Variants in NOMO3 observed in about 807,000 individuals in gnomAD.
The protein encoded by NOMO3 is NODAL modulator 3.
Under a neutral mutation model 69.9 loss-of-function variants are expected in NOMO3, and 15 were observed. The ratio of observed to expected loss-of-function variants is 0.21; its 90% CI spans 0.14 to 0.33. The LOEUF (loss-of-function observed/expected upper bound fraction) is 0.33, where lower values mean the gene tolerates loss of function less well. Ranked by LOEUF, NOMO3 falls within the 10% of genes least tolerant of loss-of-function variation. NOMO3 has a pLI of 1.00. For synonymous variants in NOMO3, 89 were observed against 301.9 expected, an observed-to-expected ratio of 0.29 and a Z score of 7.31; for missense variants, 218 against 761.0, an observed-to-expected ratio of 0.29 and a Z score of 8.39.
At chr16:16,269,357 A>G (rs1490017785) in intron 16 of NOMO3, among the ~76,000 whole-genome samples, 1 of 142,474 alleles carries the variant, frequency 7.0e-6, no homozygotes, top group Admixed American at 6.8e-5. Context: ...CTAGCATAAT[A>G]CCTGGCCAGG....
rs555131555 is a variant in NOMO3 at position 16,236,529 on chromosome 16, T to G, written c.166-372T>G. ...TCCTGAAGTGCTGGGAGTACTGGCATGAGCCACCGTGCCCAGCCAGGAATT... is the reference window on the plus strand; with the variant it reads ...TCCTGAAGTGCTGGGAGTACTGGCAGGAGCCACCGTGCCCAGCCAGGAATT... On this transcript the variant is annotated intron_variant, in intron 1 of 30. Coordinates refer to ENST00000399336, the MANE Select transcript of NOMO3 (RefSeq NM_001004067.4). Among the ~76,000 whole-genome samples, 24 of 144,748 alleles carry G rather than the reference T, an allele frequency of 1.7e-4. 1 individual carries two copies. In the South Asian group the frequency reaches 5.3e-3, roughly 32 times the overall value. 95.0% of individuals were successfully genotyped at this position (144,748 alleles called of 152,430 possible). A position where few individuals can be genotyped will look rare whatever the true frequency, so the allele number is the denominator to read the frequency against.
chr16:16,257,649 A>G (rs1468982496), intron 11 of NOMO3, among the ~76,000 whole-genome samples: 1 of 141,938 alleles, frequency 7.0e-6, no homozygotes, highest in African/African-American at 3.0e-5. Context: ...CCAGGGGGGG[A>G]CCTAGGGAGC....
Position 16,255,751 on chromosome 16 carries a change from C to A in NOMO3, c.995C>A (p.Thr332Asn). Residue 332 changes from threonine (T) to asparagine (N), a missense_variant, in exon 10 of 31, where the codon ACC becomes AAC. Coordinates refer to ENST00000399336, the MANE Select transcript of NOMO3 (RefSeq NM_001004067.4). ...PVFHVMGFSV[T>N]GRVLNGPEGD... ...TTCCACGTCATGGGATTCTCCGTCA[C>A]CGGGAGGGTCTTGAACGGACCCGAA... The A allele has an allele frequency of 1.3e-6, 2 of 1,587,524 alleles. No individual in the cohort carries two copies. The highest frequency in any genetic ancestry group is 2.2e-5 in the South Asian group (2 of 89,164).
rs140861323 is a variant in NOMO3 at position 16,273,963 on chromosome 16, C to T, written c.2274-30C>T. 562 of 1,462,028 alleles carry T rather than the reference C, an allele frequency of 3.8e-4. 115 individuals are homozygous for T. The highest frequency in any genetic ancestry group is 5.0e-4 in the Middle Eastern group (2 of 4,036). The allele number at this position is 1,462,028 out of a possible 1,614,324, so 90.6% of individuals were successfully genotyped here. A position where few individuals can be genotyped will look rare whatever the true frequency, so the allele number is the denominator to read the frequency against. ...TCCTCTGTTTTGTGGGGATAGGACC[C>T]GCCAAACTGAAGTATATTAATTATT... is the stretch of plus-strand genomic sequence containing the variant. On this transcript the variant is annotated intron_variant, in intron 19 of 30. Transcript: ENST00000399336.
intron 3 of NOMO3, 111 bp from the exon 4 acceptor site, chr16:16,243,050 A>G (rs1189467202): frequency 8.2e-7 from 1 of 1,213,144 alleles, no homozygotes; most frequent in Non-Finnish European, 1.1e-6. Context: ...GTTCAAAAGT[A>G]AAATGAAACC....
At chr16:16,241,176 C>A (rs1283237595) in intron 3 of NOMO3, among the ~76,000 whole-genome samples, 5 of 144,786 alleles carry the variant, frequency 3.5e-5, no homozygotes, top group Non-Finnish European at 1.5e-5. Context: ...ATTAGCCATC[C>A]CGCCCCACCC....
chr16:16,241,673 G>A (rs1183747397), intron 3 of NOMO3, among the ~76,000 whole-genome samples: 1 of 118,426 alleles, frequency 8.4e-6, no homozygotes, highest in Non-Finnish European at 1.6e-5. Context: ...CTCCCAAAGT[G>A]TTGGGATTAT....
intron 11 of NOMO3, 152 bp from the exon 12 acceptor site, chr16:16,261,350 A>G: frequency 7.5e-7 from 1 of 1,340,470 alleles, no homozygotes; most frequent in South Asian, 1.5e-5. Flanking sequence ...TTTTAAAACC[A>G]GAATCATCTG....
chr16:16,254,703 C>T (rs1323417880), intron 9 of NOMO3, among the ~76,000 whole-genome samples: 1 of 143,266 alleles, frequency 7.0e-6, no homozygotes, highest in East Asian at 2.3e-4. Context: ...AGAAATCGAA[C>T]GAGGACATTT....
At chr16:16,237,574 A>G (rs1368144741) in intron 2 of NOMO3, among the ~76,000 whole-genome samples, 1 of 139,320 alleles carries the variant, frequency 7.2e-6, no homozygotes, top group Non-Finnish European at 1.5e-5. Flanking sequence ...TTTGAGTTGG[A>G]GTCTCGCTCT....
intron 13 of NOMO3, 76 bp from the exon 14 acceptor site, chr16:16,263,437 A>C (rs1382735787): frequency 1.5e-5 from 10 of 686,808 alleles, no homozygotes; most frequent in Non-Finnish European, 4.9e-6. Context: ...AGAAGCTATT[A>C]CATAGGGTTA....
At chr16:16,263,344 T>G in intron 13 of NOMO3, 129 bp downstream of exon 13, 2 of 1,579,350 alleles carry the variant, frequency 1.3e-6, no homozygotes, top group South Asian at 2.3e-5. Flanking sequence ...GGAGGCTTCT[T>G]GGAGTCAGGT....
At chr16:16,257,405 G>A (rs890403714) in intron 11 of NOMO3, among the ~76,000 whole-genome samples, 1 of 127,844 alleles carries the variant, frequency 7.8e-6, no homozygotes, top group Admixed American at 7.5e-5. Flanking sequence ...AGATATTTAG[G>A]GTGCCCAGCT....
intron 16 of NOMO3, among the ~76,000 whole-genome samples, chr16:16,267,806 A>T (rs2049631708): frequency 7.3e-6 from 1 of 137,544 alleles, no homozygotes; most frequent in Non-Finnish European, 1.5e-5. Context: ...TTTAAGATGT[A>T]CAATAAAATG....
chr16:16,269,222 A>T (rs1180664637), intron 16 of NOMO3, among the ~76,000 whole-genome samples: 1 of 141,046 alleles, frequency 7.1e-6, no homozygotes, highest in Non-Finnish European at 1.5e-5. Context: ...ACTCACTTCT[A>T]TCCCCTTCTT....
chr16:16,251,728 A>C (rs1360831585), intron 7 of NOMO3: 1 of 419,798 alleles, frequency 2.4e-6, no homozygotes, highest in African/African-American at 2.8e-5. Context: ...ATGGTGACCC[A>C]TGATAAGGAA....
In NOMO3 at chr16:16,254,758, T is replaced by C. The variant is rs2049495693; in HGVS notation, c.964-962T>C. Among the ~76,000 whole-genome samples, 2 of 144,394 alleles carry C rather than the reference T, an allele frequency of 1.4e-5. 1 individual carries two copies. Among genetic ancestry groups the C allele is most frequent in the African/African-American group, 5.7e-5 (2 of 35,336 alleles). The allele number at this position is 144,394 out of a possible 152,430, so 94.7% of individuals were successfully genotyped here. On this transcript the variant is annotated intron_variant, in intron 9 of 30. Transcript: ENST00000399336. ...TGAAGATATTAAAATAGGTTAGCAGTGGTGACCTTGGGGATACACAGATCA... is the reference window on the plus strand; with the variant it reads ...TGAAGATATTAAAATAGGTTAGCAGCGGTGACCTTGGGGATACACAGATCA...
chr16:16,263,016 G>A, intron 12 of NOMO3, 58 bp from the exon 13 acceptor site: 1 of 1,582,952 alleles, frequency 6.3e-7, no homozygotes, highest in African/African-American at 1.5e-5. Context: ...GCGCCCTGTA[G>A]GTCAGGGGGA....
At chr16:16,263,453 C>A (rs564152937) in intron 13 of NOMO3, 60 bp from the exon 14 acceptor site, 1 of 636,988 alleles carries the variant, frequency 1.6e-6, no homozygotes, top group Non-Finnish European at 2.7e-6. Context: ...GGTTAGGATT[C>A]GAACCTGTGC....
Sources: gnomAD v4.1 joint callset for allele counts (sites outside exome capture counted in the v4.1 genomes callset) on GRCh38, gnomAD v4.1.1 for gene constraint, MANE v1.5 for transcripts, NCBI Gene and HGNC (gene_info 2026-07-23, HGNC 2026-07-21) for gene names.